The following MSN variants were observed in gnomAD, a reference collection of about 807,000 sequenced individuals.
MSN encodes the protein epididymis luminal protein 70.
Under a neutral mutation model 48.0 loss-of-function variants are expected in MSN, and 2 were observed. That is an observed-to-expected ratio of 0.04 (90% CI 0.02 to 0.13). The LOEUF (loss-of-function observed/expected upper bound fraction) is 0.13, where lower values mean the gene tolerates loss of function less well. Among genes scored for constraint, MSN ranks in the 10% least tolerant of loss-of-function variants. The pLI is 1.00. For missense variants in MSN, 267 were observed against 470.1 expected (o/e 0.57, Z 3.99); for synonymous variants, 146 against 166.9 (o/e 0.87, Z 0.97).
chrX:65,738,203 A>G (rs911444810), intron 10 of MSN, among the ~76,000 whole-genome samples: 17 of 112,391 alleles, frequency 1.5e-4, no homozygotes, highest in Non-Finnish European at 3.0e-4. Context: ...AAGTGACCCA[A>G]TGATGGCCAA....
At chrX:65,695,356 C>T (rs772409453) in intron 1 of MSN, among the ~76,000 whole-genome samples, 1 of 109,296 alleles carries the variant, frequency 9.1e-6, no homozygotes, top group African/African-American at 3.3e-5. Context: ...CAAAATTAGC[C>T]ATGCGTGGTG....
intron 1 of MSN, among the ~76,000 whole-genome samples, chrX:65,651,747 T>G (rs1333388122): frequency 9.4e-6 from 1 of 106,933 alleles, no homozygotes; most frequent in African/African-American, 3.4e-5. Flanking sequence ...GCCATCCCAC[T>G]CAGCTAATTT....
chrX:65,664,165 T>C (rs1453378915), upstream of MSN, among the ~76,000 whole-genome samples: 1 of 111,775 alleles, frequency 8.9e-6, no homozygotes, highest in Non-Finnish European at 1.9e-5. Context: ...ATTATGTCCT[T>C]AGTAGCAACA....
At chrX:65,612,101 C>T (rs2070324965) in intron 1 of MSN, among the ~76,000 whole-genome samples, 1 of 112,061 alleles carries the variant, frequency 8.9e-6, no homozygotes, top group African/African-American at 3.2e-5. Context: ...TGGAAACTTA[C>T]TCCCCAATGC....
At chrX:65,738,717 C>A in intron 11 of MSN, 100 bp downstream of exon 11, 1 of 809,151 alleles carries the variant, frequency 1.2e-6, no homozygotes. Flanking sequence ...CTCCCTCTTT[C>A]ATACTTCCCA....
chrX:65,627,380 A>G (rs9698412), intron 1 of MSN, among the ~76,000 whole-genome samples: 15,856 of 109,219 alleles, frequency 0.15, 2,817 homozygotes, highest in African/African-American at 0.51. Flanking sequence ...TGGACTTACA[A>G]TTCCACATGG....
intron 8 of MSN, 34 bp downstream of exon 8, chrX:65,735,464 C>T (rs1192940648): frequency 2.6e-6 from 3 of 1,171,997 alleles, no homozygotes; most frequent in Middle Eastern, 2.3e-4. Flanking sequence ...GGGGCCAGGG[C>T]TGGGGCAAGG....
At chrX:65,713,976 C>T (rs1002907090) in intron 1 of MSN, among the ~76,000 whole-genome samples, 4 of 111,449 alleles carry the variant, frequency 3.6e-5, no homozygotes, top group South Asian at 3.8e-4. Flanking sequence ...GATGGGGTTT[C>T]GCTATATTGT....
intron 1 of MSN, among the ~76,000 whole-genome samples, chrX:65,631,318 T>C (rs1432727502): frequency 9.0e-6 from 1 of 110,733 alleles, no homozygotes; most frequent in Non-Finnish European, 1.9e-5. Flanking sequence ...GGTTTTGAAC[T>C]CCTGACCTCA....
intron 1 of MSN, among the ~76,000 whole-genome samples, chrX:65,654,145 G>A (rs56031740): frequency 1.6e-3 from 138 of 85,916 alleles, no homozygotes; most frequent in Non-Finnish European, 2.4e-3. Flanking sequence ...TTCCTCTGTC[G>A]CCCAGGCTGG....
chrX:65,670,124 G>A (rs1237995414), intron 1 of MSN, among the ~76,000 whole-genome samples: 1 of 112,020 alleles, frequency 8.9e-6, no homozygotes, highest in Non-Finnish European at 1.9e-5. Context: ...GTAAGGTTCG[G>A]TAGTGTCACC....
chrX:65,618,807 G>A (rs1302580323), intron 1 of MSN, among the ~76,000 whole-genome samples: 1 of 111,221 alleles, frequency 9.0e-6, no homozygotes. Flanking sequence ...TAGTCTTGAT[G>A]GTCTTTATAT....
chrX:65,656,328 GGAGA>G (rs1458605384), intron 1 of MSN, among the ~76,000 whole-genome samples: 3 of 108,249 alleles, frequency 2.8e-5, no homozygotes, highest in Non-Finnish European at 5.7e-5. Context: ...TTGTGAGTTG[GGAGA>G]GAGAAAGTGA....
At chrX:65,601,899 G>T (rs769003040) in intron 1 of MSN, among the ~76,000 whole-genome samples, 1 of 112,159 alleles carries the variant, frequency 8.9e-6, no homozygotes, top group African/African-American at 3.2e-5. Flanking sequence ...GGCCCAAGAA[G>T]AAAGAGCCTC....
rs1453664435 is a variant in MSN at position 65,623,699 on chromosome X, C to G, written c.-22+35087C>G. Among the ~76,000 whole-genome samples, 4 of 109,036 alleles carry G rather than the reference C, an allele frequency of 3.7e-5. No individual in the cohort carries two copies. The Admixed American group carries it at 3.9e-4, about 11-fold the overall frequency. The allele number at this position is 109,036 out of a possible 115,157, so 94.7% of individuals were successfully genotyped here. A position where few individuals can be genotyped will look rare whatever the true frequency, so the allele number is the denominator to read the frequency against. On this transcript the variant is annotated intron_variant, in intron 1 of 3. Coordinates refer to the MSN transcript ENST00000609672. ...TGGTGGCAGGCACCTGTAATCCCAG[C>G]TACTTGGGAGGCTGAGGCAGGAGAA...
chrX:65,628,439 C>T lies in MSN; in HGVS notation c.-22+39827C>T, dbSNP rs549202382. The stretch of plus-strand genomic sequence containing the variant: ...CTCTGAAGCCACAGCCTGAGCTCTA[C>T]GTTGGCCCCTTTCAGCCATGGCTGG... On this transcript the variant is annotated intron_variant, in intron 1 of 3. Coordinates refer to the MSN transcript ENST00000609672. Among the ~76,000 whole-genome samples, 76 of 112,589 alleles carry T rather than the reference C, an allele frequency of 6.8e-4. 1 individual carries two copies. Among genetic ancestry groups the T allele is most frequent in the South Asian group, 6.2e-3 (17 of 2,751 alleles).
chrX:65,623,943 T>C (rs993569275), intron 1 of MSN, among the ~76,000 whole-genome samples: 9 of 111,201 alleles, frequency 8.1e-5, no homozygotes, highest in African/African-American at 3.0e-4. Flanking sequence ...CTATTTCTTC[T>C]TGAGTTGCTT....
At chrX:65,735,209 C>T in intron 7 of MSN, 58 bp from the exon 8 acceptor site, 2 of 1,164,746 alleles carry the variant, frequency 1.7e-6, no homozygotes, top group South Asian at 1.9e-5. Context: ...TTTCAGAAGG[C>T]AGAAGATCAC....
At chrX:65,652,050 A>G (rs1296059306) in intron 1 of MSN, among the ~76,000 whole-genome samples, 1 of 108,528 alleles carries the variant, frequency 9.2e-6, no homozygotes, top group Non-Finnish European at 1.9e-5. Context: ...CAGAAGTTCA[A>G]GACCAGCCTC....
Sources: allele counts gnomAD v4.1 joint callset (sites outside exome capture counted in the v4.1 genomes callset), GRCh38; gene constraint gnomAD v4.1.1; transcripts MANE v1.5; gene names NCBI Gene and HGNC (gene_info 2026-07-23, HGNC 2026-07-21).